Variants in VNN1 observed in about 807,000 individuals in gnomAD.
VNN1 encodes pantetheinase.
VNN1 carries 29 observed loss-of-function variants against 41.9 expected under a neutral mutation model. The observed-to-expected ratio is 0.69, with a 90% CI of 0.52 to 0.94. The LOEUF (loss-of-function observed/expected upper bound fraction) is 0.94, where lower values mean the gene tolerates loss of function less well. Ranked by LOEUF, VNN1 falls within the 40% of genes least tolerant of loss-of-function variation. The pLI is 0.00. For missense variants in VNN1, 637 were observed against 621.1 expected (o/e 1.03, Z -0.27); for synonymous variants, 233 against 224.4 (o/e 1.04, Z -0.34).
chr6:132,693,592 AAGT>A (rs1778323846), intron 3 of VNN1, among the ~76,000 whole-genome samples: 2 of 152,228 alleles, frequency 1.3e-5, no homozygotes, highest in Non-Finnish European at 2.9e-5. Flanking sequence ...TCTGTTTGCC[AAGT>A]AGACTTAACT....
intron 2 of VNN1, among the ~76,000 whole-genome samples, chr6:132,708,483 T>A (rs1245708516): frequency 6.6e-6 from 1 of 152,166 alleles, no homozygotes; most frequent in Admixed American, 6.5e-5. Flanking sequence ...TAACGCTCAG[T>A]CTAAGAGGTG....
At chr6:132,697,090 G>A (rs1317349096) in intron 2 of VNN1, among the ~76,000 whole-genome samples, 2 of 150,630 alleles carry the variant, frequency 1.3e-5, no homozygotes, top group Non-Finnish European at 2.9e-5. Context: ...GGGTGACAGA[G>A]TGAGACTCTG....
Position 132,713,995 on chromosome 6 carries a change from A to G in VNN1, c.41T>C (p.Phe14Ser), listed in dbSNP as rs1562222933. The G allele has an allele frequency of 1.2e-6, 2 of 1,614,104 alleles. No homozygotes were observed. Among genetic ancestry groups the G allele is most frequent in the East Asian group, 2.2e-5 (1 of 44,860 alleles). The stretch of plus-strand genomic sequence containing the variant: ...CTGGCAGCTGGCTCTTGAGACATAG[A>G]AAAGCAAAATTGCCACGTAAGCTGG... ...QLPAYVAILL[F>S]YVSRASCQDT... is the part of the protein sequence containing the mutation. The change falls in exon 1 of 7, where the codon TTC becomes TCC. Residue 14 changes from phenylalanine to serine, a missense_variant. Coordinates refer to ENST00000367928, the MANE Select transcript of VNN1 (RefSeq NM_004666.3).
intron 2 of VNN1, among the ~76,000 whole-genome samples, chr6:132,698,481 A>G (rs1251649030): frequency 6.6e-6 from 1 of 152,276 alleles, no homozygotes; most frequent in African/African-American, 2.4e-5. Flanking sequence ...TGTGGTTGCT[A>G]TGCTTATAAA....
Position 132,684,460 on chromosome 6 carries a change from C to T in VNN1, c.1234G>A (p.Gly412Ser), listed in dbSNP as rs370748066. 79 of 1,613,850 alleles carry T rather than the reference C, an allele frequency of 4.9e-5. No individual in the cohort carries two copies. Among genetic ancestry groups the T allele is most frequent in the South Asian group, 8.8e-5 (8 of 91,076 alleles). Residue 412 changes from glycine (G) to serine (S), a missense_variant, in exon 6 of 7, where the codon GGT becomes AGT. Physicochemically the swap from Gly to Ser is moderately conservative, Grantham distance 56. Coordinates refer to ENST00000367928, the MANE Select transcript of VNN1 (RefSeq NM_004666.3). ...KCKTTNLNTCGDSAETASTRF... is the reference protein window; with the variant it reads ...KCKTTNLNTCSDSAETASTRF... Reference sequence around the variant, plus strand: ...GTAGAAGCTGTTTCAGCTGAGTCACCGCAAGTGTTTAAATTAGTCGTTTTA... The same window carrying T: ...GTAGAAGCTGTTTCAGCTGAGTCACTGCAAGTGTTTAAATTAGTCGTTTTA...
intron 2 of VNN1, chr6:132,699,136 T>G (rs1265700278): frequency 2.9e-6 from 1 of 339,152 alleles, no homozygotes; most frequent in Non-Finnish European, 5.9e-6. Context: ...TGGCAACTGA[T>G]GTGTTCCAAA....
intron 5 of VNN1, among the ~76,000 whole-genome samples, chr6:132,686,027 G>T (rs149291992): frequency 1.3e-5 from 2 of 152,084 alleles, no homozygotes; most frequent in Non-Finnish European, 2.9e-5. Flanking sequence ...TTCAGGAATA[G>T]GGTTGCCAGG....
chr6:132,695,201 A>C (rs1007762211), intron 2 of VNN1, among the ~76,000 whole-genome samples: 1 of 152,174 alleles, frequency 6.6e-6, no homozygotes, highest in African/African-American at 2.4e-5. Context: ...AGGTAGAGGG[A>C]TGCTGGGAAG....
chr6:132,707,206 A>G (rs1228611328), intron 2 of VNN1, among the ~76,000 whole-genome samples: 2 of 144,178 alleles, frequency 1.4e-5, no homozygotes, highest in African/African-American at 2.7e-5. Context: ...AGCCTGGGCA[A>G]CAAGAGGGAG....
intron 2 of VNN1, among the ~76,000 whole-genome samples, chr6:132,704,561 C>T (rs1048501937): frequency 5.9e-5 from 9 of 151,892 alleles, no homozygotes; most frequent in South Asian, 2.1e-4. Flanking sequence ...ACAGCAAAAT[C>T]GTTCTAAGAG....
intron 5 of VNN1, among the ~76,000 whole-genome samples, chr6:132,685,930 G>C (rs1778200914): frequency 6.6e-6 from 1 of 152,110 alleles, no homozygotes; most frequent in Non-Finnish European, 1.5e-5. Context: ...ACTGAATGTT[G>C]AAAACGTTCC....
chr6:132,711,392 T>C (rs1488551855), intron 2 of VNN1, among the ~76,000 whole-genome samples: 2 of 152,202 alleles, frequency 1.3e-5, no homozygotes. Flanking sequence ...GATGTGACTC[T>C]CTTTTGCCAT....
At chr6:132,687,172 C>A (rs540233235) in intron 5 of VNN1, among the ~76,000 whole-genome samples, 7 of 152,218 alleles carry the variant, frequency 4.6e-5, no homozygotes, top group African/African-American at 1.7e-4. Context: ...TACAAAGAAT[C>A]AGGAATCAGA....
chr6:132,682,692 A>C lies in VNN1; in HGVS notation c.*448T>G, dbSNP rs764507420. On this transcript the variant is annotated 3_prime_UTR_variant, in exon 7 of 7. Transcript: ENST00000367928. ...TTTTGGGGAGACATTATCAACCCAC[A>C]AGAGAATCAAAATGTATTGTTTAGG... 1 of 152,830 alleles carries C rather than the reference A, an allele frequency of 6.5e-6. No individual in the cohort carries two copies. The highest frequency in any genetic ancestry group is 1.5e-5 in the Non-Finnish European group (1 of 68,518). The allele number at this position is 152,830 out of a possible 1,614,324, so 9.5% of individuals were successfully genotyped here. A position where few individuals can be genotyped will look rare whatever the true frequency, so the allele number is the denominator to read the frequency against.
At chr6:132,691,530 A>G (rs746808987) in intron 5 of VNN1, among the ~76,000 whole-genome samples, 6 of 152,230 alleles carry the variant, frequency 3.9e-5, no homozygotes, top group Non-Finnish European at 5.9e-5. Flanking sequence ...GCATTTGTGA[A>G]CATATAAGGA....
At position 132,693,327 on chromosome 6, in the gene VNN1, A is replaced by G; in HGVS notation, c.535-12T>C. The G allele has an allele frequency of 6.4e-7, 1 of 1,572,520 alleles. No homozygotes were observed. The highest frequency in any genetic ancestry group is 8.6e-7 in the Non-Finnish European group (1 of 1,162,182). On this transcript the variant is annotated splice_polypyrimidine_tract_variant and intron_variant, in intron 3 of 6. Coordinates refer to ENST00000367928, the MANE Select transcript of VNN1 (RefSeq NM_004666.3). ...ATGAAAAGGTTTTGCTGCAATAAAC[A>G]GAAGATAAAGAGAAAAAAATTATTT...
intron 2 of VNN1, among the ~76,000 whole-genome samples, chr6:132,702,779 C>A (rs1448399220): frequency 1.3e-5 from 2 of 152,234 alleles, no homozygotes; most frequent in Non-Finnish European, 2.9e-5. Flanking sequence ...TATAAGGGAA[C>A]TTCTTGCCTT....
rs1778114777 is a variant in VNN1, at chr6:132,681,205, C to G, written c.*1935G>C. Among the ~76,000 whole-genome samples the G allele has an allele frequency of 6.6e-6, 1 of 152,168 alleles. No homozygotes were observed. Among genetic ancestry groups the G allele is most frequent in the Non-Finnish European group, 1.5e-5 (1 of 68,022 alleles). ...GGTTTTCAAAGACTGTGGCTTACAT[C>G]CAAGTTCCCTCGCTCTTTCTCTCAT... On this transcript the variant is annotated 3_prime_UTR_variant, in exon 7 of 7. Transcript: ENST00000367928.
At chr6:132,689,489 T>C (rs538440342) in intron 5 of VNN1, among the ~76,000 whole-genome samples, 154 of 152,360 alleles carry the variant, frequency 1.0e-3, no homozygotes, top group African/African-American at 3.6e-3. Context: ...AAAATGCTAA[T>C]AATGGTCAAC....
Sources: gnomAD v4.1 joint callset for allele counts (sites outside exome capture counted in the v4.1 genomes callset) on GRCh38, gnomAD v4.1.1 for gene constraint, MANE v1.5 for transcripts, NCBI Gene and HGNC (gene_info 2026-07-23, HGNC 2026-07-21) for gene names.